Variants in TENM3 observed in about 807,000 individuals in gnomAD.
TENM3 encodes teneurin transmembrane protein 3.
A neutral mutation model predicts 255.1 loss-of-function variants in TENM3; 63 were observed. That is an observed-to-expected ratio of 0.25 (90% confidence interval 0.20 to 0.30). The LOEUF (loss-of-function observed/expected upper bound fraction) is 0.30. TENM3 is among the 10% of genes least tolerant of loss of function. TENM3 has a pLI of 1.00. For missense variants in TENM3, 2,929 were observed against 3,461.1 expected (o/e 0.85, Z 3.86); for synonymous variants, 1,306 against 1,322.3 (o/e 0.99, Z 0.27).
At chr4:181,979,189 G>A in the TENM3 span, among the ~76,000 whole-genome samples, 1 of 122,938 alleles carries the variant, frequency 8.1e-6, no homozygotes, top group Non-Finnish European at 1.6e-5. Context: ...GTATGGACTA[G>A]GGAATTCAGC....
At chr4:182,356,596 G>A (rs1428112895) in intron 3 of TENM3, among the ~76,000 whole-genome samples, 1 of 152,170 alleles carries the variant, frequency 6.6e-6, no homozygotes, top group Non-Finnish European at 1.5e-5. Flanking sequence ...AGAGGCGATT[G>A]AGGGAAAATG....
intron 27 of TENM3, among the ~76,000 whole-genome samples, chr4:182,797,062 A>C (rs1766544795): frequency 6.6e-6 from 1 of 152,222 alleles, no homozygotes; most frequent in Non-Finnish European, 1.5e-5. Context: ...GAAGGCAAAA[A>C]TACAATAAAC....
At chr4:182,602,953 G>A (rs1748041762) in intron 4 of TENM3, among the ~76,000 whole-genome samples, 1 of 152,154 alleles carries the variant, frequency 6.6e-6, no homozygotes, top group Admixed American at 6.6e-5. Context: ...CCTCAGAAAC[G>A]TGTTTAATTT....
intron 4 of TENM3, among the ~76,000 whole-genome samples, chr4:182,605,394 A>C (rs1051752242): frequency 6.6e-6 from 1 of 152,038 alleles, no homozygotes; most frequent in Non-Finnish European, 1.5e-5. Context: ...AGGTCCAAAA[A>C]TGAAGAACCT....
At chr4:182,278,710 T>C (rs149737255) in intron 1 of TENM3, among the ~76,000 whole-genome samples, 43 of 151,104 alleles carry the variant, frequency 2.8e-4, no homozygotes, top group Non-Finnish European at 4.6e-4. Context: ...CATCCCTCTG[T>C]GACATTTCGT....
At chr4:182,072,067 T>A in the TENM3 span, among the ~76,000 whole-genome samples, 1 of 152,226 alleles carries the variant, frequency 6.6e-6, no homozygotes, top group Non-Finnish European at 1.5e-5. Context: ...CACTGTCTGA[T>A]CACCCATACA....
Position 182,558,856 on chromosome 4 carries a change from A to C in TENM3, c.512-42068A>C, listed in dbSNP as rs1342837074. ...CCTTATTGGAGATGTTATAATTCCA[A>C]AGAGGGTAAAATTGATAGTTTCACA... On this transcript the variant is annotated intron_variant, in intron 3 of 27. Transcript: ENST00000511685. 2.0e-5 allele frequency among the ~76,000 whole-genome samples: 3 copies of C among 152,116 alleles called. No individual in the cohort carries two copies. In the East Asian group the frequency reaches 5.8e-4, roughly 29 times the overall value.
At chr4:182,142,471 C>G (rs1749516342), upstream of TENM3, 1 of 167,180 alleles carries the variant, frequency 6.0e-6, no homozygotes, top group Non-Finnish European at 1.5e-5. Context: ...AAGGTTCAGG[C>G]TTTCCTAGGA....
chr4:181,559,891 C>G, the TENM3 span, among the ~76,000 whole-genome samples: 2 of 152,114 alleles, frequency 1.3e-5, no homozygotes, highest in Non-Finnish European at 2.9e-5. Context: ...CTTGCTGGCT[C>G]AAAGAAGTAA....
intron 1 of TENM3, among the ~76,000 whole-genome samples, chr4:182,273,091 A>T (rs1759754269): frequency 1.3e-5 from 2 of 152,180 alleles, no homozygotes; most frequent in Admixed American, 1.3e-4. Flanking sequence ...GGAGAAGATG[A>T]TATGGTTTAA....
chr4:181,656,702 T>C, the TENM3 span, among the ~76,000 whole-genome samples: 1 of 152,150 alleles, frequency 6.6e-6, no homozygotes, highest in South Asian at 2.1e-4. Context: ...AATGTAAAAA[T>C]AGCAGGGGTG....
the TENM3 span, among the ~76,000 whole-genome samples, chr4:181,535,782 GC>G: frequency 6.6e-6 from 1 of 152,086 alleles, no homozygotes; most frequent in South Asian, 2.1e-4. Flanking sequence ...TGGTACCCTT[GC>G]TCAGCTCAGC....
At chr4:181,554,268 C>CG in the TENM3 span, among the ~76,000 whole-genome samples, 13 of 152,138 alleles carry the variant, frequency 8.5e-5, no homozygotes, top group Non-Finnish European at 1.8e-4. Context: ...TGAAAAGCTG[C>CG]GGGCGGTGTC....
the TENM3 span, among the ~76,000 whole-genome samples, chr4:181,550,255 T>G: frequency 6.6e-6 from 1 of 152,212 alleles, no homozygotes; most frequent in East Asian, 1.9e-4. Context: ...GGAATCAAAT[T>G]ATTTTCTTTT....
chr4:182,522,599 T>C (rs1441332155), intron 3 of TENM3, among the ~76,000 whole-genome samples: 1 of 152,228 alleles, frequency 6.6e-6, no homozygotes. Flanking sequence ...TGTTTTAAAT[T>C]TTACTTTAAG....
chr4:182,525,573 C>T (rs557138362), intron 3 of TENM3, among the ~76,000 whole-genome samples: 1 of 152,212 alleles, frequency 6.6e-6, no homozygotes, highest in African/African-American at 2.4e-5. Context: ...ATGTGACTTA[C>T]GAATGTAATG....
the TENM3 span, among the ~76,000 whole-genome samples, chr4:181,691,066 A>G: frequency 6.6e-6 from 1 of 152,198 alleles, no homozygotes; most frequent in African/African-American, 2.4e-5. Context: ...AAAATTTAGT[A>G]AGAAAACATT....
chr4:181,804,651 G>A, the TENM3 span, among the ~76,000 whole-genome samples: 1 of 152,180 alleles, frequency 6.6e-6, no homozygotes, highest in African/African-American at 2.4e-5. Context: ...GAGATGTGGA[G>A]AGTGTTGGGT....
At chr4:181,911,392 T>A in the TENM3 span, among the ~76,000 whole-genome samples, 4 of 152,204 alleles carry the variant, frequency 2.6e-5, no homozygotes, top group African/African-American at 9.7e-5. Flanking sequence ...CAGACTGACC[T>A]CTTTGGAGTT....
Sources: allele counts gnomAD v4.1 joint callset (sites outside exome capture counted in the v4.1 genomes callset), GRCh38; gene constraint gnomAD v4.1.1; transcripts MANE v1.5; gene names NCBI Gene and HGNC (gene_info 2026-07-23, HGNC 2026-07-21).